Variants in THRB observed in about 807,000 individuals in gnomAD.
The protein encoded by THRB is nuclear receptor subfamily 1 group A member 2.
Under a neutral mutation model 47.8 loss-of-function variants are expected in THRB, and 12 were observed. The ratio of observed to expected loss-of-function variants is 0.25; its 90% CI spans 0.16 to 0.41. The LOEUF (loss-of-function observed/expected upper bound fraction) is 0.41, where lower values mean the gene tolerates loss of function less well. THRB is among the 10% of genes least tolerant of loss of function. THRB has a pLI of 1.00. For missense variants in THRB, 348 were observed against 589.2 expected (o/e 0.59, Z 4.24); for synonymous variants, 218 against 212.2 (o/e 1.03, Z -0.24).
At chr3:24,217,804 G>C (rs1233486896) in intron 4 of THRB, among the ~76,000 whole-genome samples, 1 of 152,148 alleles carries the variant, frequency 6.6e-6, no homozygotes, top group African/African-American at 2.4e-5. Flanking sequence ...CCTAGGAACT[G>C]ATGCCTGTTA....
At chr3:24,424,983 T>C (rs1219154329) in intron 1 of THRB, among the ~76,000 whole-genome samples, 3 of 151,962 alleles carry the variant, frequency 2.0e-5, no homozygotes, top group African/African-American at 7.2e-5. Flanking sequence ...TATCAACATA[T>C]CATATTTTTG....
At chr3:24,318,984 C>T (rs1416736036) in intron 2 of THRB, among the ~76,000 whole-genome samples, 1 of 152,190 alleles carries the variant, frequency 6.6e-6, no homozygotes, top group Non-Finnish European at 1.5e-5. Context: ...TTCTACATGA[C>T]ATTCAACGTT....
rs146174083 is a variant in THRB at position 24,248,194 on chromosome 3, C to A, written c.-42-19193G>T. On this transcript the variant is annotated intron_variant, in intron 3 of 10. Coordinates refer to ENST00000646209, the MANE Select transcript of THRB (RefSeq NM_001354712.2). Reference sequence around the variant, plus strand: ...TCAAATTCATAAGAATGGACCCTAACAGTATACGAACTGGGTAGGAGTATA... The same window carrying A: ...TCAAATTCATAAGAATGGACCCTAAAAGTATACGAACTGGGTAGGAGTATA... Among the ~76,000 whole-genome samples, 88 of 152,144 alleles carry A rather than the reference C, an allele frequency of 5.8e-4. No individual in the cohort carries two copies. In the East Asian group the frequency reaches 0.016, roughly 27 times the overall value.
chr3:24,149,999 T>A (rs1435240036), intron 6 of THRB, among the ~76,000 whole-genome samples: 1 of 152,226 alleles, frequency 6.6e-6, no homozygotes, highest in Non-Finnish European at 1.5e-5. Context: ...TACTTTGAGA[T>A]GATTCACTGA....
intron 1 of THRB, among the ~76,000 whole-genome samples, chr3:24,344,972 T>C (rs1309201045): frequency 6.6e-6 from 1 of 151,988 alleles, no homozygotes; most frequent in African/African-American, 2.4e-5. Context: ...CTGAGCAACT[T>C]AGCAGGGGAA....
chr3:24,143,086 G>C (rs1276686054), intron 8 of THRB, among the ~76,000 whole-genome samples: 1 of 152,120 alleles, frequency 6.6e-6, no homozygotes, highest in Admixed American at 6.5e-5. Context: ...TTGAGGCCTA[G>C]AGGCTATTAT....
chr3:24,217,756 G>C (rs1486779258), intron 4 of THRB, among the ~76,000 whole-genome samples: 1 of 152,122 alleles, frequency 6.6e-6, no homozygotes, highest in African/African-American at 2.4e-5. Flanking sequence ...TAGGCATTCA[G>C]GAAAATACTG....
At chr3:24,490,418 G>A (rs1218861080) in intron 1 of THRB, among the ~76,000 whole-genome samples, 1 of 152,144 alleles carries the variant, frequency 6.6e-6, no homozygotes, top group Admixed American at 6.5e-5. Context: ...TACCAACCCA[G>A]AAGGGAAAGA....
At chr3:24,380,534 A>AC (rs1269112354) in intron 1 of THRB, among the ~76,000 whole-genome samples, 1 of 152,070 alleles carries the variant, frequency 6.6e-6, no homozygotes, top group Non-Finnish European at 1.5e-5. Context: ...ACTTTTCACA[A>AC]CAGCCCTAAA....
intron 1 of THRB, among the ~76,000 whole-genome samples, chr3:24,465,949 TC>T (rs1313620377): frequency 2.6e-5 from 4 of 152,180 alleles, no homozygotes; most frequent in African/African-American, 9.7e-5. Flanking sequence ...TTCCATTTCT[TC>T]CTTCCTAGAG....
intron 3 of THRB, among the ~76,000 whole-genome samples, chr3:24,254,565 T>C (rs1025003468): frequency 2.0e-5 from 3 of 152,286 alleles, no homozygotes; most frequent in Non-Finnish European, 2.9e-5. Flanking sequence ...TTGAAGAAGA[T>C]TGCACTTAAA....
chr3:24,377,214 C>A (rs756515855), intron 1 of THRB, among the ~76,000 whole-genome samples: 13 of 151,980 alleles, frequency 8.6e-5, no homozygotes, highest in Non-Finnish European at 1.8e-4. Context: ...CTGTCTCCTA[C>A]TTTTAAGAAC....
rs557155123 is a variant in THRB at position 24,202,794 on chromosome 3, GC to G, written c.23-12461del. On this transcript the variant is annotated intron_variant, in intron 4 of 10. Coordinates refer to ENST00000646209, the MANE Select transcript of THRB (RefSeq NM_001354712.2). ...AGATGAGAAAACCTTGGCTGAGAGA[GC>G]AAAAGATGTTACCCAAACTTACAGA... Among the ~76,000 whole-genome samples the G allele has an allele frequency of 1.1e-3, 170 of 152,288 alleles. 1 individual carries two copies. The highest frequency in any genetic ancestry group is 3.7e-3 in the African/African-American group (155 of 41,572).
intron 1 of THRB, among the ~76,000 whole-genome samples, chr3:24,423,422 T>A (rs937557581): frequency 6.8e-6 from 1 of 146,664 alleles, no homozygotes; most frequent in African/African-American, 2.5e-5. Flanking sequence ...AGCACTGAGA[T>A]TTTTTTTTTT....
intron 2 of THRB, 130 bp downstream of exon 2, chr3:24,337,170 T>C (rs1012617834): frequency 2.0e-5 from 3 of 152,142 alleles, no homozygotes; most frequent in East Asian, 1.9e-4. Flanking sequence ...GGAATACCTA[T>C]AGAGTTCAAA....
At chr3:24,280,940 A>G (rs2054520059) in intron 3 of THRB, among the ~76,000 whole-genome samples, 1 of 152,228 alleles carries the variant, frequency 6.6e-6, no homozygotes, top group African/African-American at 2.4e-5. Context: ...GACTATGTGA[A>G]AAGACCAAAT....
At position 24,241,092 on chromosome 3, in the gene THRB, T is replaced by C. The variant is rs143060904; in HGVS notation, c.-42-12091A>G. ...CTGAATTTGGGACGCTCAACTCCTG[T>C]GGCAACAAAACGGCAATGAGACACA... is the stretch of plus-strand genomic sequence containing the variant. On this transcript the variant is annotated intron_variant, in intron 3 of 10. Transcript: ENST00000646209. 2.8e-3 allele frequency among the ~76,000 whole-genome samples: 421 copies of C among 152,258 alleles called. 10 individuals carry two copies. Among genetic ancestry groups the C allele is most frequent in the East Asian group, 0.025 (131 of 5,174 alleles).
At chr3:24,473,936 T>C (rs1336118304) in intron 1 of THRB, among the ~76,000 whole-genome samples, 1 of 152,034 alleles carries the variant, frequency 6.6e-6, no homozygotes, top group African/African-American at 2.4e-5. Context: ...GGGAACATCA[T>C]ACACTGTGGC....
At chr3:24,334,989 A>T (rs2149406043) in intron 2 of THRB, among the ~76,000 whole-genome samples, 1 of 152,302 alleles carries the variant, frequency 6.6e-6, no homozygotes, top group South Asian at 2.1e-4. Context: ...TTCTTTATAT[A>T]CATGGAAATG....
Sources: gnomAD v4.1 joint callset for allele counts (sites outside exome capture counted in the v4.1 genomes callset) on GRCh38, gnomAD v4.1.1 for gene constraint, MANE v1.5 for transcripts, NCBI Gene and HGNC (gene_info 2026-07-23, HGNC 2026-07-21) for gene names.